C8A: variants seen among roughly 807,000 people sequenced by gnomAD.
C8A encodes the protein complement component C8 alpha chain.
In C8A, 67 loss-of-function variants were observed where a neutral mutation model predicts 65.3. The ratio of observed to expected loss-of-function variants is 1.03; its 90% CI spans 0.84 to 1.26. The LOEUF is 1.26. Ranked by LOEUF, C8A falls within the 50% of genes most tolerant of loss-of-function variation. C8A has a pLI of 0.00. For missense variants in C8A, 781 were observed against 723.9 expected (o/e 1.08, Z -0.90); for synonymous variants, 290 against 259.4 (o/e 1.12, Z -1.13).
chr1:56,890,209 T>C (rs952842467), intron 7 of C8A, among the ~76,000 whole-genome samples: 18 of 152,106 alleles, frequency 1.2e-4, no homozygotes, highest in Admixed American at 1.0e-3. Flanking sequence ...CTCCCAATGC[T>C]CTCTTCCCTG....
chr1:56,879,310 T>C (rs968195190), intron 4 of C8A, among the ~76,000 whole-genome samples: 4 of 152,234 alleles, frequency 2.6e-5, no homozygotes, highest in African/African-American at 4.8e-5. Flanking sequence ...CTTGTACACA[T>C]AGTTTTGTAC....
intron 4 of C8A, among the ~76,000 whole-genome samples, chr1:56,876,441 C>A (rs145070765): frequency 3.3e-5 from 5 of 151,772 alleles, no homozygotes; most frequent in South Asian, 4.2e-4. Flanking sequence ...GTACACCTAC[C>A]CTACTGCTCA....
At chr1:56,896,102 A>G (rs1644385192) in intron 7 of C8A, among the ~76,000 whole-genome samples, 1 of 152,196 alleles carries the variant, frequency 6.6e-6, no homozygotes, top group South Asian at 2.1e-4. Context: ...ATTACTTTAA[A>G]TAAAGGAAAA....
At chr1:56,916,128 C>T (rs1293193544) in intron 10 of C8A, among the ~76,000 whole-genome samples, 1 of 152,198 alleles carries the variant, frequency 6.6e-6, no homozygotes, top group African/African-American at 2.4e-5. Flanking sequence ...GCTGAGACAC[C>T]TGCACACGTG....
At position 56,911,631 on chromosome 1, in the gene C8A, A is replaced by G. The variant is rs79984532; in HGVS notation, c.1381-772A>G. On this transcript the variant is annotated intron_variant, in intron 9 of 10. Transcript: ENST00000361249. ...CAGAGACTCTGCTAAACAGCCTACAATACAAGGACAGCCCACTCCTGCCAG... is the reference window on the plus strand; with the variant it reads ...CAGAGACTCTGCTAAACAGCCTACAGTACAAGGACAGCCCACTCCTGCCAG... 5.9e-3 allele frequency among the ~76,000 whole-genome samples: 902 copies of G among 152,342 alleles called. 5 individuals are homozygous for G. The highest frequency in any genetic ancestry group is 0.02 in the African/African-American group (838 of 41,572).
chr1:56,857,794 T>G (rs537808164), intron 1 of C8A, among the ~76,000 whole-genome samples: 1 of 152,010 alleles, frequency 6.6e-6, no homozygotes, highest in Non-Finnish European at 1.5e-5. Context: ...TTTCATCAAA[T>G]TTGAAAATTT....
rs572137368 is a variant in C8A at position 56,859,210 on chromosome 1, T to A, written c.77+4232T>A. The stretch of plus-strand genomic sequence containing the variant: ...ACTTCTTATGAATCTGTTTTACTCA[T>A]CTATAAAATGGGAATAGTACTTCCT... On this transcript the variant is annotated intron_variant, in intron 1 of 10. Transcript: ENST00000361249. 1.9e-4 allele frequency among the ~76,000 whole-genome samples: 29 copies of A among 152,340 alleles called. 1 individual carries two copies. The highest frequency in any genetic ancestry group is 1.7e-3 in the Admixed American group (26 of 15,296).
rs1754519 is a variant in C8A, at chr1:56,881,357, A to G, written c.465-88A>G. On this transcript the variant is annotated intron_variant, in intron 4 of 10. Transcript: ENST00000361249. ...TTTGTCACATAGGTAAACGTGTGCC[A>G]TGGTGGTTTAATATACAGATCATCC... 0.035 allele frequency: 44,545 copies of G among 1,288,122 alleles called. 8,194 individuals are homozygous for G. In the African/African-American group the frequency reaches 0.47, roughly 14 times the overall value. 79.8% of individuals were successfully genotyped at this position (1,288,122 alleles called of 1,614,324 possible).
At chr1:56,876,721 G>C (rs564507248) in intron 4 of C8A, among the ~76,000 whole-genome samples, 2 of 152,066 alleles carry the variant, frequency 1.3e-5, no homozygotes, top group African/African-American at 4.8e-5. Context: ...TCAGGGCACA[G>C]TTTCTTTATC....
At chr1:56,883,397 A>G (rs992708770) in intron 5 of C8A, 84 bp from the exon 6 acceptor site, 14 of 1,244,812 alleles carry the variant, frequency 1.1e-5, no homozygotes, top group Non-Finnish European at 1.5e-5. Flanking sequence ...TAGATATTTT[A>G]CAAAGCAAAG....
chr1:56,872,364 T>C (rs1418137154), intron 2 of C8A, among the ~76,000 whole-genome samples: 1 of 152,212 alleles, frequency 6.6e-6, no homozygotes, highest in Non-Finnish European at 1.5e-5. Context: ...ACTGGATATC[T>C]ACTCAGTGCT....
chr1:56,898,382 T>C (rs536773669), intron 7 of C8A, among the ~76,000 whole-genome samples: 168 of 152,260 alleles, frequency 1.1e-3, no homozygotes, highest in African/African-American at 3.9e-3. Flanking sequence ...TCAGTGAGCA[T>C]GCACAGACCT....
intron 2 of C8A, among the ~76,000 whole-genome samples, chr1:56,868,933 C>A (rs917462911): frequency 6.6e-6 from 1 of 152,174 alleles, no homozygotes; most frequent in African/African-American, 2.4e-5. Context: ...TTATTGTGAG[C>A]AATACATGAG....
chr1:56,873,133 T>G (rs1279292248), intron 2 of C8A, among the ~76,000 whole-genome samples: 1 of 152,174 alleles, frequency 6.6e-6, no homozygotes, highest in Non-Finnish European at 1.5e-5. Flanking sequence ...TTGCTACCTT[T>G]GCCACTTTGT....
At chr1:56,907,934 C>A in intron 8 of C8A, 22 bp from the exon 9 acceptor site, 2 of 1,613,902 alleles carry the variant, frequency 1.2e-6, no homozygotes, top group Non-Finnish European at 1.7e-6. Context: ...TGAGTTAATG[C>A]AGTTTATCCT....
At chr1:56,867,820 ATTG>A in intron 2 of C8A, 118 bp downstream of exon 2, 1 of 777,232 alleles carries the variant, frequency 1.3e-6, no homozygotes, top group Non-Finnish European at 2.3e-6. Context: ...GGGTCTAGAA[ATTG>A]TTGTTTGAAA....
chr1:56,867,680 G>A lies in C8A; in HGVS notation c.149G>A (p.Cys50Tyr). ...AGCAACTGGTCAGAGTGGACAGATT[G>A]CTTTCCGTGCCAGGACAAAAAGGTG... is the stretch of plus-strand genomic sequence containing the variant. ...QLSNWSEWTD[C>Y]FPCQDKKYRH... is the part of the protein sequence containing the mutation. Residue 50 changes from cysteine to tyrosine, a missense_variant, in exon 2 of 11, where the codon TGC becomes TAC. By Grantham distance (194) the Cys-to-Tyr change is radical (BLOSUM62 -2). Coordinates refer to ENST00000361249, the MANE Select transcript of C8A (RefSeq NM_000562.3). The A allele has an allele frequency of 6.2e-7, 1 of 1,613,818 alleles. No homozygotes were observed. Among genetic ancestry groups the A allele is most frequent in the South Asian group, 1.1e-5 (1 of 91,078 alleles).
chr1:56,875,213 C>T, intron 3 of C8A, 120 bp downstream of exon 3: 3 of 1,218,380 alleles, frequency 2.5e-6, no homozygotes, highest in Non-Finnish European at 2.3e-6. Context: ...TTGCCATTCT[C>T]TAGGTTTGGG....
chr1:56,857,117 T>C (rs1643984531), intron 1 of C8A, among the ~76,000 whole-genome samples: 1 of 152,088 alleles, frequency 6.6e-6, no homozygotes, highest in African/African-American at 2.4e-5. Flanking sequence ...AAAAGTGCAT[T>C]ATTCTGTTGT....
Sources: gnomAD v4.1 joint callset for allele counts (sites outside exome capture counted in the v4.1 genomes callset) on GRCh38, gnomAD v4.1.1 for gene constraint, MANE v1.5 for transcripts, NCBI Gene and HGNC (gene_info 2026-07-23, HGNC 2026-07-21) for gene names.